AUTS2: variants seen among roughly 807,000 people sequenced by gnomAD.
The protein encoded by AUTS2 is activator of transcription and developmental regulator AUTS2.
In AUTS2, 17 loss-of-function variants were observed where a neutral mutation model predicts 112.4. The observed-to-expected ratio is 0.15, with a 90% CI of 0.10 to 0.23. AUTS2 has a LOEUF of 0.23. Among genes scored for constraint, AUTS2 ranks in the 10% least tolerant of loss-of-function variants. The pLI, the probability that AUTS2 is intolerant of heterozygous loss-of-function variation, is 1.00. For synonymous variants in AUTS2, 751 were observed against 702.7 expected (o/e 1.07, Z -1.09); for missense variants, 1,510 against 1,701.6 (o/e 0.89, Z 1.98).
intron 2 of AUTS2, among the ~76,000 whole-genome samples, chr7:70,013,936 T>C (rs965471205): frequency 6.6e-6 from 1 of 152,136 alleles, no homozygotes; most frequent in Non-Finnish European, 1.5e-5. Context: ...CAGGATGGTC[T>C]CGATCTCCTG....
At chr7:70,525,400 T>C (rs1324972504) in intron 5 of AUTS2, among the ~76,000 whole-genome samples, 1 of 144,544 alleles carries the variant, frequency 6.9e-6, no homozygotes, top group African/African-American at 2.7e-5. Flanking sequence ...AGGGACTCAA[T>C]GTATATTTGT....
chr7:70,738,087 T>C (rs1787873679), intron 6 of AUTS2, among the ~76,000 whole-genome samples: 1 of 152,334 alleles, frequency 6.6e-6, no homozygotes, highest in South Asian at 2.1e-4. Flanking sequence ...CGGGTTTTCC[T>C]GCGTCTCACA....
intron 1 of AUTS2, among the ~76,000 whole-genome samples, chr7:69,898,756 G>A (rs2129540385): frequency 6.6e-6 from 1 of 152,216 alleles, no homozygotes; most frequent in East Asian, 1.9e-4. Flanking sequence ...ATGCTTAGAG[G>A]AACATGTAAA....
At chr7:70,018,054 C>T (rs914970903) in intron 2 of AUTS2, among the ~76,000 whole-genome samples, 4 of 151,890 alleles carry the variant, frequency 2.6e-5, no homozygotes, top group East Asian at 1.9e-4. Context: ...CTTTGGTTTC[C>T]GTTTCATGAA....
At chr7:70,684,095 A>G (rs1222453704) in intron 5 of AUTS2, among the ~76,000 whole-genome samples, 2 of 152,126 alleles carry the variant, frequency 1.3e-5, no homozygotes, top group Non-Finnish European at 2.9e-5. Context: ...CCTGCAAGTC[A>G]ATATTTGGAC....
At chr7:70,643,945 G>A (rs751483027) in intron 5 of AUTS2, among the ~76,000 whole-genome samples, 12 of 152,104 alleles carry the variant, frequency 7.9e-5, no homozygotes, top group Non-Finnish European at 8.8e-5. Flanking sequence ...CTGCTATGAC[G>A]TCCTGGCTCG....
intron 1 of AUTS2, among the ~76,000 whole-genome samples, chr7:69,866,346 C>G (rs1404512473): frequency 1.3e-5 from 2 of 152,166 alleles, no homozygotes; most frequent in African/African-American, 4.8e-5. Context: ...CCTGTTCTCC[C>G]CTGTATGCCT....
intron 5 of AUTS2, among the ~76,000 whole-genome samples, chr7:70,665,115 T>G (rs1027255991): frequency 6.6e-6 from 1 of 152,186 alleles, no homozygotes; most frequent in Non-Finnish European, 1.5e-5. Flanking sequence ...ACAATTTTTG[T>G]CCTTCCAAAC....
intron 5 of AUTS2, among the ~76,000 whole-genome samples, chr7:70,496,188 A>C (rs1342962458): frequency 8.9e-6 from 1 of 112,974 alleles, no homozygotes; most frequent in Non-Finnish European, 1.8e-5. Context: ...CACACACCCC[A>C]CACATGCACA....
chr7:69,708,338 TAGAA>T (rs1449174373), intron 1 of AUTS2, among the ~76,000 whole-genome samples: 12 of 152,316 alleles, frequency 7.9e-5, no homozygotes, highest in South Asian at 6.2e-4. Flanking sequence ...GAATGACTAA[TAGAA>T]AGAAGACGAC....
chr7:70,634,961 C>T (rs933324172), intron 5 of AUTS2, among the ~76,000 whole-genome samples: 4 of 152,096 alleles, frequency 2.6e-5, no homozygotes, highest in Admixed American at 2.0e-4. Flanking sequence ...GCTGAGTAAC[C>T]GGAGCCTTGA....
chr7:70,567,848 G>A (rs1172844197), intron 5 of AUTS2, among the ~76,000 whole-genome samples: 1 of 152,190 alleles, frequency 6.6e-6, no homozygotes, highest in Non-Finnish European at 1.5e-5. Flanking sequence ...TTTAGGTAAA[G>A]CTGTTTTTTA....
intron 2 of AUTS2, among the ~76,000 whole-genome samples, chr7:69,998,687 G>A (rs189889701): frequency 2.0e-5 from 3 of 152,266 alleles, no homozygotes; most frequent in African/African-American, 4.8e-5. Flanking sequence ...CTCTGCATTC[G>A]TGAAGCTTTA....
intron 5 of AUTS2, among the ~76,000 whole-genome samples, chr7:70,586,513 C>T (rs1437256327): frequency 6.6e-6 from 1 of 152,142 alleles, no homozygotes; most frequent in Non-Finnish European, 1.5e-5. Flanking sequence ...TAGGGTTAAA[C>T]ATCTCAAGAA....
chr7:70,476,375 A>G (rs1797583971), intron 5 of AUTS2, among the ~76,000 whole-genome samples: 1 of 151,856 alleles, frequency 6.6e-6, no homozygotes. Context: ...TGCCCTGCCC[A>G]CTCCCAACCT....
intron 1 of AUTS2, among the ~76,000 whole-genome samples, chr7:69,788,510 G>A (rs1361876091): frequency 1.3e-5 from 2 of 152,138 alleles, no homozygotes; most frequent in Admixed American, 1.3e-4. Flanking sequence ...ATGCACAAAA[G>A]CCCAAATCCA....
At chr7:69,715,455 TCCAGATCCTTGGTTCACA>T (rs1341677877) in intron 1 of AUTS2, among the ~76,000 whole-genome samples, 1 of 152,112 alleles carries the variant, frequency 6.6e-6, no homozygotes, top group Non-Finnish European at 1.5e-5. Context: ...AAGGATTCCC[TCCAGATCCTTGGTTCACA>T]GACAGGGAAG....
At position 69,701,380 on chromosome 7, in the gene AUTS2, A is replaced by G. The variant is rs574869344; in HGVS notation, c.309+101418A>G. Among the ~76,000 whole-genome samples, 23 of 152,332 alleles carry G rather than the reference A, an allele frequency of 1.5e-4. No homozygotes were observed. In the South Asian group the frequency reaches 4.6e-3, roughly 30 times the overall value. On this transcript the variant is annotated intron_variant, in intron 1 of 18. Coordinates refer to ENST00000342771, the MANE Select transcript of AUTS2 (RefSeq NM_015570.4). The stretch of plus-strand genomic sequence containing the variant: ...CACTTAACCTACTAACTGAAATGCC[A>G]TTCATTCAGCCAGTATTTGAGTGCT...
chr7:70,793,137 G>C lies in AUTS2; in HGVS notation c.*2141G>C, dbSNP rs1003985025. The C allele has an allele frequency of 2.6e-5, 4 of 151,534 alleles. No individual in the cohort carries two copies. In the South Asian group the frequency reaches 8.5e-4, roughly 32 times the overall value. 9.4% of individuals were successfully genotyped at this position (151,534 alleles called of 1,614,324 possible). A position where few individuals can be genotyped will look rare whatever the true frequency, so the allele number is the denominator to read the frequency against. On this transcript the variant is annotated 3_prime_UTR_variant, in exon 19 of 19. Coordinates refer to ENST00000342771, the MANE Select transcript of AUTS2 (RefSeq NM_015570.4). ...TAGTTTTTCGTATGTCCAAGATACT[G>C]TAAAAGGTACTTCTGGATTTTGTAG... is the stretch of plus-strand genomic sequence containing the variant.
Sources: gnomAD v4.1 joint callset for allele counts (sites outside exome capture counted in the v4.1 genomes callset) on GRCh38, gnomAD v4.1.1 for gene constraint, MANE v1.5 for transcripts, NCBI Gene and HGNC (gene_info 2026-07-23, HGNC 2026-07-21) for gene names.